Variants in EDAR observed in about 807,000 individuals in gnomAD.
EDAR encodes the protein tumor necrosis factor receptor superfamily member EDAR.
In EDAR, 38 loss-of-function variants were observed where a neutral mutation model predicts 51.3. The ratio of observed to expected loss-of-function variants is 0.74; its 90% CI spans 0.57 to 0.97. EDAR has a LOEUF of 0.97. Among genes scored for constraint, EDAR ranks in the 50% least tolerant of loss-of-function variants. The pLI is 0.00. For missense variants in EDAR, 528 were observed against 595.0 expected (o/e 0.89, Z 1.17); for synonymous variants, 227 against 242.1 (o/e 0.94, Z 0.58).
chr2:108,946,769 G>A (rs1697721203), intron 1 of EDAR, among the ~76,000 whole-genome samples: 5 of 152,050 alleles, frequency 3.3e-5, no homozygotes, highest in African/African-American at 7.2e-5. Context: ...GGGGGAAAGC[G>A]CCCCATGATC....
At chr2:108,897,989 G>A (rs1696631849) in intron 11 of EDAR, among the ~76,000 whole-genome samples, 1 of 152,134 alleles carries the variant, frequency 6.6e-6, no homozygotes, top group Non-Finnish European at 1.5e-5. Context: ...CAGACATGGG[G>A]CAGAAAAGTC....
At chr2:108,930,088 C>A (rs767499505) in intron 3 of EDAR, 32 bp downstream of exon 3, 2 of 1,601,332 alleles carry the variant, frequency 1.2e-6, no homozygotes, top group East Asian at 2.2e-5. Flanking sequence ...CCCCTGAGAG[C>A]GCACCAGGCT....
At chr2:108,978,985 G>C (rs376004722) in intron 1 of EDAR, among the ~76,000 whole-genome samples, 444 of 152,318 alleles carry the variant, frequency 2.9e-3, no homozygotes, top group Middle Eastern at 6.8e-3. Context: ...GGGGCAGGAG[G>C]GGGTGTAGTG....
At chr2:108,953,435 C>T (rs1009637567) in intron 1 of EDAR, among the ~76,000 whole-genome samples, 22 of 152,232 alleles carry the variant, frequency 1.4e-4, no homozygotes, top group African/African-American at 5.1e-4. Flanking sequence ...CTCATTAAGA[C>T]ATCCTCTCTG....
intron 5 of EDAR, 56 bp from the exon 6 acceptor site, chr2:108,912,820 G>T: frequency 2.1e-6 from 3 of 1,412,820 alleles, no homozygotes; most frequent in East Asian, 4.9e-5. Flanking sequence ...CTTCAAAGAC[G>T]CTGCCACAGA....
intron 1 of EDAR, among the ~76,000 whole-genome samples, chr2:108,985,956 C>T (rs1340149040): frequency 2.0e-5 from 3 of 152,160 alleles, no homozygotes; most frequent in Admixed American, 6.5e-5. Context: ...TGTAGGATCC[C>T]TTAATACATG....
rs75714737 is a variant in EDAR, at chr2:108,952,032, A to T, written c.-18-21000T>A. On this transcript the variant is annotated intron_variant, in intron 1 of 11. Coordinates refer to ENST00000258443, the MANE Select transcript of EDAR (RefSeq NM_022336.4). The stretch of plus-strand genomic sequence containing the variant: ...TCACAAAGAAGCAAAAGCATGTTTT[A>T]TTTTTCTCTTGTTACTGCTTTGTTT... Among the ~76,000 whole-genome samples the T allele has an allele frequency of 8.5e-3, 1,292 of 152,264 alleles. 9 individuals carry two copies. The highest frequency in any genetic ancestry group is 0.029 in the South Asian group (138 of 4,818).
intron 5 of EDAR, among the ~76,000 whole-genome samples, chr2:108,922,069 G>A (rs970655640): frequency 7.2e-5 from 11 of 152,328 alleles, no homozygotes; most frequent in African/African-American, 9.6e-5. Context: ...TTAGAGAGGC[G>A]CCCCTGCCGT....
chr2:108,912,925 C>T (rs2105406088), intron 5 of EDAR, among the ~76,000 whole-genome samples, 161 bp from the exon 6 acceptor site: 1 of 151,984 alleles, frequency 6.6e-6, no homozygotes, highest in East Asian at 1.9e-4. Context: ...TTTAATGAAC[C>T]CTAAAGAGTC....
chr2:108,897,555 T>C (rs187057814), intron 11 of EDAR, among the ~76,000 whole-genome samples: 1 of 152,280 alleles, frequency 6.6e-6, no homozygotes, highest in Admixed American at 6.5e-5. Context: ...CAAGTTATCC[T>C]TAGTTGGGTA....
At chr2:108,947,591 G>A (rs188543482) in intron 1 of EDAR, among the ~76,000 whole-genome samples, 6 of 152,264 alleles carry the variant, frequency 3.9e-5, no homozygotes, top group East Asian at 3.9e-4. Context: ...CTGCACCCCC[G>A]CAGTCCCAAC....
At chr2:108,913,833 C>G (rs1222744716) in intron 5 of EDAR, among the ~76,000 whole-genome samples, 2 of 151,490 alleles carry the variant, frequency 1.3e-5, no homozygotes, top group Admixed American at 6.6e-5. Flanking sequence ...GCCTGTAGTC[C>G]CAGCTACTCG....
intron 1 of EDAR, among the ~76,000 whole-genome samples, chr2:108,956,477 C>A (rs563141474): frequency 3.3e-5 from 5 of 152,188 alleles, no homozygotes; most frequent in Non-Finnish European, 5.9e-5. Flanking sequence ...GAGTCTCTCA[C>A]GTCAGCAGGT....
chr2:108,956,274 G>C (rs1018228203), intron 1 of EDAR, among the ~76,000 whole-genome samples: 1 of 152,186 alleles, frequency 6.6e-6, no homozygotes, highest in African/African-American at 2.4e-5. Context: ...TGCCTGGCTG[G>C]AGATACCCTT....
chr2:108,987,736 T>C (rs1180959122), intron 1 of EDAR, among the ~76,000 whole-genome samples: 1 of 152,140 alleles, frequency 6.6e-6, no homozygotes, highest in Non-Finnish European at 1.5e-5. Context: ...GCCACCAGGA[T>C]CGCCAAACTT....
At position 108,982,438 on chromosome 2, in the gene EDAR, G is replaced by T. The variant is rs1354448694; in HGVS notation, c.-19+6522C>A. Among the ~76,000 whole-genome samples the T allele has an allele frequency of 2.0e-5, 3 of 152,246 alleles. 1 individual carries two copies. In the East Asian group the frequency reaches 5.8e-4, roughly 29 times the overall value. On this transcript the variant is annotated intron_variant, in intron 1 of 11. Transcript: ENST00000258443. ...TGCAGCCAGTCCTTTAAGAACTAGG[G>T]ACATTGGCGTTTGCCAGTGTCTCAG...
intron 5 of EDAR, among the ~76,000 whole-genome samples, chr2:108,917,114 A>G (rs1697042450): frequency 6.6e-6 from 1 of 152,200 alleles, no homozygotes; most frequent in African/African-American, 2.4e-5. Context: ...GTGTGCCAGA[A>G]TTTTCAGAGT....
At chr2:108,917,367 CA>C (rs1369107914) in intron 5 of EDAR, among the ~76,000 whole-genome samples, 3 of 152,016 alleles carry the variant, frequency 2.0e-5, no homozygotes, top group Non-Finnish European at 2.9e-5. Flanking sequence ...CTACAGCGGA[CA>C]ATAATGCATT....
rs181817223 is a variant in EDAR at position 108,955,520 on chromosome 2, G to A, written c.-18-24488C>T. Among the ~76,000 whole-genome samples, 6 of 152,226 alleles carry A rather than the reference G, an allele frequency of 3.9e-5. No homozygotes were observed. In the East Asian group the frequency reaches 1.2e-3, roughly 29 times the overall value. ...CCTAGCACTCTGGGAGGCCGTGGTG[G>A]GCAGATCACCTGAGGTCAGGGGTTT... is the stretch of plus-strand genomic sequence containing the variant. On this transcript the variant is annotated intron_variant, in intron 1 of 11. Coordinates refer to ENST00000258443, the MANE Select transcript of EDAR (RefSeq NM_022336.4).
Sources: gnomAD v4.1 joint callset for allele counts (sites outside exome capture counted in the v4.1 genomes callset) on GRCh38, gnomAD v4.1.1 for gene constraint, MANE v1.5 for transcripts, NCBI Gene and HGNC (gene_info 2026-07-23, HGNC 2026-07-21) for gene names.